ACTR3C: variants seen among roughly 807,000 people sequenced by gnomAD.
ACTR3C encodes the protein actin related protein 3C.
Under a neutral mutation model 26.3 loss-of-function variants are expected in ACTR3C, and 18 were observed. The ratio of observed to expected loss-of-function variants is 0.68; its 90% confidence interval spans 0.47 to 1.01. The LOEUF (loss-of-function observed/expected upper bound fraction) is 1.01. Ranked by LOEUF, ACTR3C falls within the 50% of genes least tolerant of loss-of-function variation. The probability of loss-of-function intolerance (pLI) is 0.00; values close to 1 mark genes in which losing one functional copy is unlikely to be tolerated. For missense variants in ACTR3C, 184 were observed against 250.7 expected, an observed-to-expected ratio of 0.73 and a Z score of 1.80; for synonymous variants, 55 against 94.5, an observed-to-expected ratio of 0.58 and a Z score of 2.42.
chr7:149,928,381 C>CT, the ACTR3C span, among the ~76,000 whole-genome samples: 173 of 106,822 alleles, frequency 1.6e-3, 2 homozygotes, highest in African/African-American at 5.3e-3. Context: ...TTTTGTATTT[C>CT]TTTTTTTTTT....
At chr7:150,078,004 A>G in the ACTR3C span, among the ~76,000 whole-genome samples, 1 of 152,186 alleles carries the variant, frequency 6.6e-6, no homozygotes, top group Non-Finnish European at 1.5e-5. Context: ...ACACAAGACA[A>G]CACTTGCACA....
the ACTR3C span, among the ~76,000 whole-genome samples, chr7:150,051,333 T>C: frequency 6.7e-6 from 1 of 148,746 alleles, no homozygotes; most frequent in South Asian, 2.2e-4. Flanking sequence ...TGATGTATAA[T>C]TAATTCAATT....
chr7:149,892,159 A>G, the ACTR3C span: 1 of 1,198,074 alleles, frequency 8.3e-7, no homozygotes, highest in Non-Finnish European at 1.1e-6. Flanking sequence ...AAGAATTCAA[A>G]CATAAGAATA....
rs572414821 is a variant in ACTR3C, at chr7:150,262,375, A to T, written c.565-13321T>A. On this transcript the variant is annotated intron_variant, in intron 6 of 7. Coordinates refer to ENST00000683684, the MANE Select transcript of ACTR3C (RefSeq NM_001164458.2). ...CATAGCTGGTGGAACTCAGTAATGGATGTTAGGGAAAATGTTGAAAATAGA... is the reference window on the plus strand; with the variant it reads ...CATAGCTGGTGGAACTCAGTAATGGTTGTTAGGGAAAATGTTGAAAATAGA... 1.9e-4 allele frequency among the ~76,000 whole-genome samples: 29 copies of T among 152,408 alleles called. No homozygotes were observed. In the South Asian group the frequency reaches 6.0e-3, roughly 32 times the overall value.
chr7:150,064,096 T>C, the ACTR3C span, among the ~76,000 whole-genome samples: 1,318 of 151,338 alleles, frequency 8.7e-3, 15 homozygotes, highest in African/African-American at 0.03. Context: ...ATGATGTGCC[T>C]GTGCACCATC....
At chr7:150,138,717 T>C in the ACTR3C span, among the ~76,000 whole-genome samples, 1 of 152,264 alleles carries the variant, frequency 6.6e-6, no homozygotes. Context: ...AGGGGACATA[T>C]AATGGCTGTG....
the ACTR3C span, among the ~76,000 whole-genome samples, chr7:149,943,282 C>T: frequency 2.0e-5 from 3 of 149,304 alleles, no homozygotes; most frequent in Admixed American, 6.6e-5. Flanking sequence ...GACCCCTGCT[C>T]TGGGGATGGC....
the ACTR3C span, among the ~76,000 whole-genome samples, chr7:150,121,862 TA>T: frequency 6.6e-6 from 1 of 152,180 alleles, no homozygotes; most frequent in Non-Finnish European, 1.5e-5. Context: ...AACAGCACGG[TA>T]CTGTTAGCAA....
chr7:150,220,963 A>T, the ACTR3C span, among the ~76,000 whole-genome samples: 6 of 152,396 alleles, frequency 3.9e-5, no homozygotes, highest in African/African-American at 1.2e-4. Context: ...CCAGCCGCCA[A>T]ATCTTCCCGG....
intron 1 of ACTR3C, among the ~76,000 whole-genome samples, chr7:150,306,397 G>A (rs1005612105): frequency 6.6e-6 from 1 of 152,078 alleles, no homozygotes; most frequent in African/African-American, 2.4e-5. Flanking sequence ...GCTGGGCTCG[G>A]TGCCTGCTCC....
At chr7:150,086,535 C>G in the ACTR3C span, among the ~76,000 whole-genome samples, 4 of 152,070 alleles carry the variant, frequency 2.6e-5, no homozygotes, top group South Asian at 8.3e-4. Flanking sequence ...GCCCTGCTTT[C>G]TCAAACACAT....
the ACTR3C span, chr7:150,040,642 A>G: frequency 6.9e-6 from 1 of 145,682 alleles, no homozygotes; most frequent in African/African-American, 2.7e-5. Context: ...TCTTATTGTA[A>G]ATCCCACGCA....
At chr7:150,158,967 GCA>G in the ACTR3C span, among the ~76,000 whole-genome samples, 92 of 67,776 alleles carry the variant, frequency 1.4e-3, no homozygotes, top group Non-Finnish European at 2.1e-3. Flanking sequence ...ACACACGTGC[GCA>G]CACACAGGCA....
chr7:150,055,446 A>AT, the ACTR3C span, among the ~76,000 whole-genome samples: 3 of 151,384 alleles, frequency 2.0e-5, no homozygotes, highest in Admixed American at 2.0e-4. Context: ...AAGGGTAAGG[A>AT]TTTTTCAAGA....
chr7:149,943,252 C>T, the ACTR3C span, among the ~76,000 whole-genome samples: 17 of 143,094 alleles, frequency 1.2e-4, 1 homozygote, highest in Admixed American at 2.7e-4. Context: ...ACTATTTGAC[C>T]CTTGATGTAG....
chr7:150,123,456 T>C, the ACTR3C span, among the ~76,000 whole-genome samples: 3 of 152,092 alleles, frequency 2.0e-5, no homozygotes, highest in Non-Finnish European at 4.4e-5. Flanking sequence ...CACCTCCTCT[T>C]CCCTAGTGTA....
the ACTR3C span, among the ~76,000 whole-genome samples, chr7:149,967,391 C>G: frequency 6.6e-6 from 1 of 152,130 alleles, no homozygotes; most frequent in South Asian, 2.1e-4. Context: ...AAGCTGGTCT[C>G]AAACGCCTGG....
intron 3 of ACTR3C, among the ~76,000 whole-genome samples, chr7:150,292,741 C>T (rs1374412385): frequency 6.6e-6 from 1 of 152,232 alleles, no homozygotes; most frequent in Non-Finnish European, 1.5e-5. Context: ...AGGTGATCCG[C>T]CCGCCTTGGC....
chr7:149,998,024 G>A, the ACTR3C span, among the ~76,000 whole-genome samples: 2 of 151,184 alleles, frequency 1.3e-5, no homozygotes, highest in African/African-American at 2.4e-5. Flanking sequence ...ATGCAATAGC[G>A]ATCATGGAGG....
Sources: gnomAD v4.1 joint callset for allele counts (sites outside exome capture counted in the v4.1 genomes callset) on GRCh38, gnomAD v4.1.1 for gene constraint, MANE v1.5 for transcripts, NCBI Gene and HGNC (gene_info 2026-07-23, HGNC 2026-07-21) for gene names.